KCTD20: variants seen among roughly 807,000 people sequenced by gnomAD.
KCTD20 encodes potassium channel tetramerization domain containing 20.
Under a neutral mutation model 39.6 loss-of-function variants are expected in KCTD20, and 30 were observed. That is an observed-to-expected ratio of 0.76 (90% CI 0.57 to 1.03). KCTD20 has a LOEUF of 1.03. KCTD20 is among the 50% of genes least tolerant of loss of function. The pLI is 0.00. For missense variants in KCTD20, 422 were observed against 522.0 expected (o/e 0.81, Z 1.87); for synonymous variants, 162 against 180.6 (o/e 0.90, Z 0.83).
intron 3 of KCTD20, among the ~76,000 whole-genome samples, chr6:36,478,671 T>C (rs1414471169): frequency 6.6e-6 from 1 of 151,936 alleles, no homozygotes; most frequent in African/African-American, 2.4e-5. Context: ...GCATATTAGA[T>C]AGGTCAGTAT....
At chr6:36,450,403 G>T (rs889016118) in intron 1 of KCTD20, among the ~76,000 whole-genome samples, 1 of 150,932 alleles carries the variant, frequency 6.6e-6, no homozygotes. Flanking sequence ...TAGGAGAATC[G>T]CTTGAACCTG....
In KCTD20 at chr6:36,484,665, C is replaced by A. The variant is rs1394027411; in HGVS notation, c.857-49C>A. Reference sequence around the variant, plus strand: ...TTTGATTTTGTTAGCTTCTCTCTTTCCTCTTAGGTCTTTACTCCATGGCTA... The same window carrying A: ...TTTGATTTTGTTAGCTTCTCTCTTTACTCTTAGGTCTTTACTCCATGGCTA... On this transcript the variant is annotated intron_variant, in intron 6 of 7. Coordinates refer to ENST00000373731, the MANE Select transcript of KCTD20 (RefSeq NM_173562.5). 1.6e-5 allele frequency: 13 copies of A among 827,914 alleles called. No individual in the cohort carries two copies. The Admixed American group carries it at 2.7e-4, about 17-fold the overall frequency. 51.3% of individuals were successfully genotyped at this position (827,914 alleles called of 1,614,324 possible).
At chr6:36,464,742 GAA>G (rs1225865539) in intron 1 of KCTD20, among the ~76,000 whole-genome samples, 9 of 152,116 alleles carry the variant, frequency 5.9e-5, no homozygotes, top group Non-Finnish European at 1.0e-4. Flanking sequence ...CATGCATAAA[GAA>G]AAAGCACAAT....
chr6:36,471,102 G>GATC (rs2127445310), intron 2 of KCTD20, among the ~76,000 whole-genome samples: 1 of 147,058 alleles, frequency 6.8e-6, no homozygotes, highest in East Asian at 2.0e-4. Flanking sequence ...AGTGAGCCAA[G>GATC]ATCACACCAC....
chr6:36,476,821 G>A (rs1776078696), intron 3 of KCTD20, among the ~76,000 whole-genome samples: 1 of 152,138 alleles, frequency 6.6e-6, no homozygotes. Context: ...ACATTTTCCA[G>A]ACTGGCCCTC....
intron 7 of KCTD20, among the ~76,000 whole-genome samples, chr6:36,485,874 CTG>C (rs1294093561): frequency 6.6e-6 from 1 of 152,020 alleles, no homozygotes. Flanking sequence ...CAAAGCTTCA[CTG>C]TGTCTGACTT....
intron 1 of KCTD20, among the ~76,000 whole-genome samples, chr6:36,457,986 G>A (rs116294581): frequency 1.9e-3 from 292 of 152,178 alleles, no homozygotes; most frequent in African/African-American, 6.0e-3. Flanking sequence ...AAATTGTGGC[G>A]GTGGGTGATT....
chr6:36,478,112 A>AAAAGC (rs1776129697), intron 3 of KCTD20, among the ~76,000 whole-genome samples: 2 of 151,832 alleles, frequency 1.3e-5, no homozygotes, highest in Admixed American at 6.6e-5. Flanking sequence ...AAAAGAAAAG[A>AAAAGC]AAAGCAGCCA....
chr6:36,457,718 C>CTTCT (rs1404747967), intron 1 of KCTD20, among the ~76,000 whole-genome samples: 2 of 152,134 alleles, frequency 1.3e-5, no homozygotes, highest in East Asian at 3.8e-4. Flanking sequence ...AAATGCAAAA[C>CTTCT]TGTGGCAAGA....
chr6:36,466,463 C>T (rs1311269285), intron 1 of KCTD20, among the ~76,000 whole-genome samples: 1 of 150,622 alleles, frequency 6.6e-6, no homozygotes, highest in Non-Finnish European at 1.5e-5. Flanking sequence ...CTCACTACAG[C>T]CTCGACCTCC....
At chr6:36,478,935 T>C (rs967658599) in intron 3 of KCTD20, among the ~76,000 whole-genome samples, 186 bp from the exon 4 acceptor site, 3 of 152,244 alleles carry the variant, frequency 2.0e-5, no homozygotes, top group African/African-American at 7.2e-5. Flanking sequence ...TGCCTTTTTT[T>C]CCTGTCTGAA....
At chr6:36,450,063 C>T (rs1419733735) in intron 1 of KCTD20, among the ~76,000 whole-genome samples, 1 of 148,406 alleles carries the variant, frequency 6.7e-6, no homozygotes, top group Non-Finnish European at 1.5e-5. Flanking sequence ...ACTTGGGAGG[C>T]TGAGGCAGGA....
intron 1 of KCTD20, chr6:36,451,032 C>T (rs997192448): frequency 2.0e-5 from 3 of 152,212 alleles, no homozygotes; most frequent in Non-Finnish European, 4.4e-5. Flanking sequence ...GTCAGTTCTC[C>T]CCTCCTTAGG....
At chr6:36,467,926 T>A (rs1775809627) in intron 1 of KCTD20, among the ~76,000 whole-genome samples, 1 of 152,180 alleles carries the variant, frequency 6.6e-6, no homozygotes, top group Non-Finnish European at 1.5e-5. Flanking sequence ...GTATATAATT[T>A]GTGTGTTTTT....
In KCTD20 at chr6:36,488,346, G is replaced by C. The variant is rs1297698778; in HGVS notation, c.*1171G>C. The C allele has an allele frequency of 6.6e-6, 1 of 152,104 alleles. No homozygotes were observed. The highest frequency in any genetic ancestry group is 1.5e-5 in the Non-Finnish European group (1 of 68,002). The allele number at this position is 152,104 out of a possible 1,614,324, so 9.4% of individuals were successfully genotyped here. ...GAAATTAAGCCCAGTCATTTTATTTGATCTATTAGCTCTGTTATCAGTGCA... is the reference window on the plus strand; with the variant it reads ...GAAATTAAGCCCAGTCATTTTATTTCATCTATTAGCTCTGTTATCAGTGCA... On this transcript the variant is annotated 3_prime_UTR_variant, in exon 8 of 8. Coordinates refer to ENST00000373731, the MANE Select transcript of KCTD20 (RefSeq NM_173562.5).
chr6:36,467,582 C>T (rs1300546719), intron 1 of KCTD20, among the ~76,000 whole-genome samples: 3 of 151,472 alleles, frequency 2.0e-5, no homozygotes, highest in Non-Finnish European at 2.9e-5. Flanking sequence ...GTGATCCGCC[C>T]GCCCCAGCCT....
At chr6:36,474,200 A>C (rs1775995826) in intron 2 of KCTD20, among the ~76,000 whole-genome samples, 1 of 151,026 alleles carries the variant, frequency 6.6e-6, no homozygotes, top group Non-Finnish European at 1.5e-5. Flanking sequence ...CATTAGCTAT[A>C]TCTCCCGATG....
At chr6:36,470,394 A>G in intron 2 of KCTD20, 137 bp downstream of exon 2, 2 of 772,006 alleles carry the variant, frequency 2.6e-6, no homozygotes, top group Non-Finnish European at 4.0e-6. Flanking sequence ...CAATTACATA[A>G]AGCTGACCTT....
At chr6:36,477,481 C>CAT (rs1356592469) in intron 3 of KCTD20, among the ~76,000 whole-genome samples, 1 of 130,944 alleles carries the variant, frequency 7.6e-6, no homozygotes, top group African/African-American at 2.9e-5. Context: ...ATTTTCTTTT[C>CAT]TTTTTTTTTT....
Sources: gnomAD v4.1 joint callset for allele counts (sites outside exome capture counted in the v4.1 genomes callset) on GRCh38, gnomAD v4.1.1 for gene constraint, MANE v1.5 for transcripts, NCBI Gene and HGNC (gene_info 2026-07-23, HGNC 2026-07-21) for gene names.